Variants in DNA2 observed in about 807,000 individuals in gnomAD.
The protein encoded by DNA2 is DNA replication helicase/nuclease 2.
DNA2 carries 101 observed loss-of-function variants against 119.1 expected under a neutral mutation model. The ratio of observed to expected loss-of-function variants is 0.85; its 90% CI spans 0.72 to 1.00. DNA2 has a LOEUF of 1.00. Among genes scored for constraint, DNA2 ranks in the 50% least tolerant of loss-of-function variants. The pLI is 0.00. For synonymous variants in DNA2, 366 were observed against 424.4 expected (o/e 0.86, Z 1.69); for missense variants, 1,121 against 1,255.5 (o/e 0.89, Z 1.62).
chr10:68,435,448 T>C (rs1240013817), intron 10 of DNA2, among the ~76,000 whole-genome samples: 1 of 146,756 alleles, frequency 6.8e-6, no homozygotes, highest in East Asian at 2.3e-4. Flanking sequence ...TAGTAGAATA[T>C]ACATACACAT....
Position 68,464,829 on chromosome 10 carries a change from C to CAAAAAAAAA in DNA2, c.587+829_587+837dup, listed in dbSNP as rs71009067. 3.0e-4 allele frequency among the ~76,000 whole-genome samples: 12 copies of CAAAAAAAAA among 40,666 alleles called. 1 individual carries two copies. Among genetic ancestry groups the CAAAAAAAAA allele is most frequent in the African/African-American group, 1.2e-3 (12 of 10,414 alleles). 26.7% of individuals were successfully genotyped at this position (40,666 alleles called of 152,430 possible). On this transcript the variant is annotated intron_variant, in intron 4 of 20. Transcript: ENST00000358410. ...GGACAACAAGAGCGAAACTCCACCTCAAAAAAAAAAAAAAAAAAAAAAAAA... is the reference window on the plus strand; with the variant it reads ...GGACAACAAGAGCGAAACTCCACCTCAAAAAAAAAAAAAAAAAAAAAAAAAAAAAAAAAA...
intron 19 of DNA2, among the ~76,000 whole-genome samples, chr10:68,417,675 A>C (rs1013274384): frequency 2.6e-5 from 4 of 151,898 alleles, no homozygotes; most frequent in African/African-American, 9.7e-5. Flanking sequence ...AAAAAATCAA[A>C]TCTGAATTGT....
chr10:68,419,690 T>TCC, intron 18 of DNA2, 113 bp downstream of exon 18: 1 of 729,498 alleles, frequency 1.4e-6, no homozygotes, highest in Admixed American at 2.6e-5. Flanking sequence ...GGGGCTTCAA[T>TCC]CCCCCCCTTA....
rs1029336292 is a variant in DNA2, at chr10:68,419,738, C to T, written c.2787+65G>A. ...AGACTTAATGCCAGATTGTAAGTGTCTTACAGTCTAACATTCTTTTATTCT... is the reference window on the plus strand; with the variant it reads ...AGACTTAATGCCAGATTGTAAGTGTTTTACAGTCTAACATTCTTTTATTCT... On this transcript the variant is annotated intron_variant, in intron 18 of 20. Transcript: ENST00000358410. The T allele has an allele frequency of 1.3e-5, 16 of 1,225,668 alleles. No individual in the cohort carries two copies. The African/African-American group carries it at 2.4e-4, about 18-fold the overall frequency. The allele number at this position is 1,225,668 out of a possible 1,614,324, so 75.9% of individuals were successfully genotyped here.
chr10:68,418,479 A>T (rs1053970166), intron 19 of DNA2, among the ~76,000 whole-genome samples: 4 of 120,402 alleles, frequency 3.3e-5, no homozygotes, highest in Non-Finnish European at 6.9e-5. Flanking sequence ...TATTTTCTTT[A>T]AAAAAAAAAA....
chr10:68,447,185 A>G lies in DNA2; in HGVS notation c.940-772T>C, dbSNP rs111724154. Reference sequence around the variant, plus strand: ...AAAACAAAAACGTAGTGAGATCCCCATTTCTACAAAAAGACATGTATGTAA... The same window carrying G: ...AAAACAAAAACGTAGTGAGATCCCCGTTTCTACAAAAAGACATGTATGTAA... On this transcript the variant is annotated intron_variant, in intron 6 of 20. Coordinates refer to ENST00000358410, the MANE Select transcript of DNA2 (RefSeq NM_001080449.3). Among the ~76,000 whole-genome samples, 1,283 of 152,170 alleles carry G rather than the reference A, an allele frequency of 8.4e-3. 21 individuals carry two copies. Among genetic ancestry groups the G allele is most frequent in the African/African-American group, 0.029 (1,196 of 41,526 alleles).
rs187850992 is a variant in DNA2, at chr10:68,425,652, C to T, written c.2209-2762G>A. Among the ~76,000 whole-genome samples, 433 of 151,948 alleles carry T rather than the reference C, an allele frequency of 2.8e-3. 3 individuals carry two copies. Among genetic ancestry groups the T allele is most frequent in the African/African-American group, 1.0e-2 (414 of 41,518 alleles). On this transcript the variant is annotated intron_variant, in intron 14 of 20. Coordinates refer to ENST00000358410, the MANE Select transcript of DNA2 (RefSeq NM_001080449.3). ...TCCTGACCTCGTGATCCGCCTGCCT[C>T]GGCCTCCCAAAGTGCTAGGATTACA... is the stretch of plus-strand genomic sequence containing the variant.
chr10:68,433,928 A>T (rs1234939598), intron 10 of DNA2, among the ~76,000 whole-genome samples: 3 of 152,144 alleles, frequency 2.0e-5, no homozygotes, highest in Non-Finnish European at 4.4e-5. Flanking sequence ...ACACTGTTTC[A>T]CCAGACTAAT....
intron 4 of DNA2, among the ~76,000 whole-genome samples, chr10:68,461,750 C>A (rs1237389105): frequency 1.3e-5 from 2 of 150,738 alleles, no homozygotes; most frequent in Non-Finnish European, 2.9e-5. Context: ...ATTGCTTGAA[C>A]CCGGAAGGCG....
At chr10:68,448,395 T>A (rs182127096) in intron 6 of DNA2, among the ~76,000 whole-genome samples, 2 of 152,190 alleles carry the variant, frequency 1.3e-5, no homozygotes, top group East Asian at 3.9e-4. Context: ...CAAGACCCCA[T>A]CTAAAAAAAA....
At chr10:68,469,693 G>A (rs562116076) in intron 2 of DNA2, among the ~76,000 whole-genome samples, 1 of 151,986 alleles carries the variant, frequency 6.6e-6, no homozygotes, top group Admixed American at 6.6e-5. Context: ...TCAAACTCCT[G>A]ACCTGAGGTG....
chr10:68,421,737 G>A (rs544960854), intron 17 of DNA2, among the ~76,000 whole-genome samples: 19 of 151,896 alleles, frequency 1.3e-4, no homozygotes, highest in East Asian at 3.9e-4. Context: ...GCAAGACTCC[G>A]TCTCAAAAAA....
intron 5 of DNA2, among the ~76,000 whole-genome samples, chr10:68,458,783 G>C (rs1020002673): frequency 3.9e-5 from 6 of 152,128 alleles, no homozygotes; most frequent in Non-Finnish European, 5.9e-5. Context: ...GGGAGGCGGA[G>C]GTTGCCGGGA....
chr10:68,465,832 A>G lies in DNA2; in HGVS notation c.442-20T>C, dbSNP rs2052320422. 6.7e-7 allele frequency: 1 copy of G among 1,488,224 alleles called. No individual in the cohort carries two copies. The highest frequency in any genetic ancestry group is 9.0e-7 in the Non-Finnish European group (1 of 1,115,222). The allele number at this position is 1,488,224 out of a possible 1,614,324, so 92.2% of individuals were successfully genotyped here. On this transcript the variant is annotated intron_variant, in intron 3 of 20. Transcript: ENST00000358410. ...AGAGCTCTACAAAAGCAAATCACAC[A>G]GTTTATTTCACAACATATTAACAGA...
Position 68,431,577 on chromosome 10 carries a change from G to A in DNA2, c.1983+285C>T, listed in dbSNP as rs115348257. 4.8e-3 allele frequency among the ~76,000 whole-genome samples: 724 copies of A among 152,280 alleles called. 12 individuals carry two copies. Among genetic ancestry groups the A allele is most frequent in the African/African-American group, 0.017 (690 of 41,554 alleles). On this transcript the variant is annotated intron_variant, in intron 13 of 20. Coordinates refer to ENST00000358410, the MANE Select transcript of DNA2 (RefSeq NM_001080449.3). Reference sequence around the variant, plus strand: ...TGGGATTACAGGCGTAAGCCACAACGCCCGGCCTCTAACATCATCTTTAAA... The same window carrying A: ...TGGGATTACAGGCGTAAGCCACAACACCCGGCCTCTAACATCATCTTTAAA...
intron 7 of DNA2, 66 bp from the exon 8 acceptor site, chr10:68,445,149 A>G: frequency 1.4e-6 from 2 of 1,421,154 alleles, no homozygotes; most frequent in African/African-American, 2.9e-5. Flanking sequence ...TTTTCACTAC[A>G]TATGTAAAAC....
chr10:68,424,830 AACAGC>A (rs1392426576), intron 14 of DNA2: 1 of 896,340 alleles, frequency 1.1e-6, no homozygotes, highest in Non-Finnish European at 1.9e-6. Flanking sequence ...TGAGTAGGCC[AACAGC>A]ACAACCGTCC....
At chr10:68,456,602 T>C (rs1199999654) in intron 5 of DNA2, among the ~76,000 whole-genome samples, 3 of 151,954 alleles carry the variant, frequency 2.0e-5, no homozygotes, top group Non-Finnish European at 4.4e-5. Context: ...TTAGTAGAGA[T>C]GGTGTTCCAC....
intron 5 of DNA2, among the ~76,000 whole-genome samples, chr10:68,453,843 T>C (rs1285531953): frequency 1.3e-5 from 2 of 152,170 alleles, no homozygotes; most frequent in Admixed American, 1.3e-4. Context: ...AATGATGACA[T>C]TGCCTAACAC....
Sources: gnomAD v4.1 joint callset for allele counts (sites outside exome capture counted in the v4.1 genomes callset) on GRCh38, gnomAD v4.1.1 for gene constraint, MANE v1.5 for transcripts, NCBI Gene and HGNC (gene_info 2026-07-23, HGNC 2026-07-21) for gene names.